HS3ST4: variants seen among roughly 807,000 people sequenced by gnomAD.
HS3ST4 encodes heparan sulfate-glucosamine 3-sulfotransferase 4, also known as heparan sulfate glucosamine 3-O-sulfotransferase 4.
A neutral mutation model predicts 29.2 loss-of-function variants in HS3ST4; 17 were observed. The observed-to-expected ratio is 0.58, with a 90% confidence interval of 0.40 to 0.87. The LOEUF is 0.87. HS3ST4 is among the 40% of genes least tolerant of loss of function. The pLI is 0.00. For synonymous variants in HS3ST4, 314 were observed against 285.7 expected (o/e 1.10, Z -1.00); for missense variants, 627 against 634.5 (o/e 0.99, Z 0.13).
intron 1 of HS3ST4, among the ~76,000 whole-genome samples, chr16:25,789,403 TTTCC>T (rs745858843): frequency 1.5e-3 from 112 of 72,708 alleles, no homozygotes; most frequent in Non-Finnish European, 1.1e-3. Context: ...TTCTTTGTTT[TTTCC>T]TTCCTTCCTT....
intron 1 of HS3ST4, among the ~76,000 whole-genome samples, chr16:26,034,959 G>A (rs115837038): frequency 6.6e-6 from 1 of 152,120 alleles, no homozygotes; most frequent in Non-Finnish European, 1.5e-5. Context: ...CTCCAGCTGA[G>A]CAACAGAGTG....
chr16:25,827,265 C>G (rs1386555860), intron 1 of HS3ST4, among the ~76,000 whole-genome samples: 1 of 152,050 alleles, frequency 6.6e-6, no homozygotes, highest in Non-Finnish European at 1.5e-5. Flanking sequence ...TCTCCTTGTC[C>G]GAGCCAGTAA....
At chr16:25,865,941 G>A (rs1967690253) in intron 1 of HS3ST4, among the ~76,000 whole-genome samples, 1 of 152,050 alleles carries the variant, frequency 6.6e-6, no homozygotes. Context: ...AACCCCAAAA[G>A]CATAAGCAAC....
intron 1 of HS3ST4, among the ~76,000 whole-genome samples, chr16:25,866,279 C>G (rs1196196333): frequency 6.6e-6 from 1 of 152,150 alleles, no homozygotes; most frequent in East Asian, 1.9e-4. Flanking sequence ...ACTTGTACTT[C>G]TAAGTAATGT....
At position 25,939,014 on chromosome 16, in the gene HS3ST4, G is replaced by A. The variant is rs541903231; in HGVS notation, c.735-196598G>A. 2.6e-5 allele frequency among the ~76,000 whole-genome samples: 4 copies of A among 152,240 alleles called. No homozygotes were observed. The East Asian group carries it at 5.8e-4, about 22-fold the overall frequency. On this transcript the variant is annotated intron_variant, in intron 1 of 1. Coordinates refer to ENST00000331351, the MANE Select transcript of HS3ST4 (RefSeq NM_006040.3). ...GTCTTGTATTTAGTTAGTGATCAGC[G>A]ATGATCAGTGATGGCTGAATGCATA...
chr16:25,939,787 A>G (rs1968555160), intron 1 of HS3ST4, among the ~76,000 whole-genome samples: 1 of 152,204 alleles, frequency 6.6e-6, no homozygotes. Context: ...ACTGGAAACC[A>G]CAGGCAAAAA....
intron 1 of HS3ST4, among the ~76,000 whole-genome samples, chr16:25,727,907 G>A (rs1966547709): frequency 6.6e-6 from 1 of 152,142 alleles, no homozygotes; most frequent in East Asian, 1.9e-4. Context: ...GAAATACTGG[G>A]GTGAGCTTGA....
chr16:25,873,471 CATCTATCTCTCTATCT>C (rs1320299407), intron 1 of HS3ST4, among the ~76,000 whole-genome samples: 2,231 of 90,880 alleles, frequency 0.025, 66 homozygotes, highest in African/African-American at 0.077. Context: ...CCCACCCATC[CATCTATCTCTCTATCT>C]ATCTATCTAT....
In HS3ST4 at chr16:26,051,386, C is replaced by G. The variant is rs138841573; in HGVS notation, c.735-84226C>G. Among the ~76,000 whole-genome samples, 377 of 152,190 alleles carry G rather than the reference C, an allele frequency of 2.5e-3. 3 individuals are homozygous for G. Among genetic ancestry groups the G allele is most frequent in the African/African-American group, 8.9e-3 (369 of 41,520 alleles). On this transcript the variant is annotated intron_variant, in intron 1 of 1. Coordinates refer to ENST00000331351, the MANE Select transcript of HS3ST4 (RefSeq NM_006040.3). ...CTCCCACAAGCTTTCCTGACAAAGA[C>G]GAGCATGATTCCAGGAAGCCCACCT...
chr16:25,857,863 C>T (rs1467139345), intron 1 of HS3ST4, among the ~76,000 whole-genome samples: 3 of 151,814 alleles, frequency 2.0e-5, no homozygotes, highest in African/African-American at 7.3e-5. Context: ...CCTTAATTTA[C>T]ATGAATTTCT....
chr16:26,006,071 T>C (rs554594160), intron 1 of HS3ST4, among the ~76,000 whole-genome samples: 1 of 152,014 alleles, frequency 6.6e-6, no homozygotes, highest in African/African-American at 2.4e-5. Flanking sequence ...GGCTGAGGTA[T>C]GTGAATCACC....
At chr16:26,004,975 G>A (rs1170594459) in intron 1 of HS3ST4, among the ~76,000 whole-genome samples, 1 of 151,924 alleles carries the variant, frequency 6.6e-6, no homozygotes, top group Non-Finnish European at 1.5e-5. Flanking sequence ...TGTGGTTTTT[G>A]TACTTGTTGT....
At chr16:25,835,238 C>T (rs376240631) in intron 1 of HS3ST4, among the ~76,000 whole-genome samples, 7 of 152,266 alleles carry the variant, frequency 4.6e-5, no homozygotes, top group African/African-American at 1.7e-4. Context: ...TTCCTTCCCC[C>T]GTTGTTGTTT....
At chr16:25,775,348 C>T (rs900380034) in intron 1 of HS3ST4, among the ~76,000 whole-genome samples, 1 of 152,190 alleles carries the variant, frequency 6.6e-6, no homozygotes, top group Non-Finnish European at 1.5e-5. Context: ...CTACAGAATG[C>T]TCTGTGGCTG....
intron 1 of HS3ST4, among the ~76,000 whole-genome samples, chr16:25,714,116 G>A (rs960126619): frequency 6.6e-6 from 1 of 152,030 alleles, no homozygotes; most frequent in African/African-American, 2.4e-5. Context: ...ACTGTTAGAG[G>A]CCAATTGTTA....
At chr16:25,997,194 T>C (rs1437765468) in intron 1 of HS3ST4, among the ~76,000 whole-genome samples, 1 of 152,210 alleles carries the variant, frequency 6.6e-6, no homozygotes, top group Non-Finnish European at 1.5e-5. Context: ...TCTTGTCTTA[T>C]TGTATTTTAT....
intron 1 of HS3ST4, among the ~76,000 whole-genome samples, chr16:25,945,523 G>A (rs1489192910): frequency 6.6e-6 from 1 of 152,116 alleles, no homozygotes; most frequent in Non-Finnish European, 1.5e-5. Flanking sequence ...AATAATTGCT[G>A]CATCACAGTA....
chr16:25,888,830 C>T (rs894431512), intron 1 of HS3ST4, among the ~76,000 whole-genome samples: 2 of 152,208 alleles, frequency 1.3e-5, no homozygotes, highest in Admixed American at 6.5e-5. Flanking sequence ...AAAAGATGCT[C>T]AGATGCTTGG....
At chr16:25,730,025 G>C (rs982561568) in intron 1 of HS3ST4, among the ~76,000 whole-genome samples, 1 of 152,138 alleles carries the variant, frequency 6.6e-6, no homozygotes, top group Non-Finnish European at 1.5e-5. Flanking sequence ...TCTCTTCCAG[G>C]TCACTTTTGA....
Sources: gnomAD v4.1 joint callset for allele counts (sites outside exome capture counted in the v4.1 genomes callset) on GRCh38, gnomAD v4.1.1 for gene constraint, MANE v1.5 for transcripts, NCBI Gene and HGNC (gene_info 2026-07-23, HGNC 2026-07-21) for gene names.